Variants in SLC5A12 observed in about 807,000 individuals in gnomAD.
SLC5A12 encodes the protein sodium-coupled monocarboxylate transporter 2.
A neutral mutation model predicts 72.7 loss-of-function variants in SLC5A12; 46 were observed. The observed-to-expected ratio is 0.63, with a 90% confidence interval of 0.50 to 0.81. SLC5A12 has a LOEUF of 0.81. Among genes scored for constraint, SLC5A12 ranks in the 30% least tolerant of loss-of-function variants. SLC5A12 has a pLI of 0.00. For missense variants in SLC5A12, 683 were observed against 740.7 expected (o/e 0.92, Z 0.90); for synonymous variants, 275 against 264.4 (o/e 1.04, Z -0.39).
chr11:26,695,920 G>T (rs893019433), intron 8 of SLC5A12, among the ~76,000 whole-genome samples: 1 of 152,042 alleles, frequency 6.6e-6, no homozygotes, highest in African/African-American at 2.4e-5. Context: ...GTTTGTCTCC[G>T]CAGGGCTTTA....
intron 1 of SLC5A12, among the ~76,000 whole-genome samples, chr11:26,718,597 TGC>T (rs1432947618): frequency 2.0e-5 from 3 of 151,624 alleles, no homozygotes; most frequent in Non-Finnish European, 4.4e-5. Context: ...GGATTACATG[TGC>T]GCCACCATGC....
chr11:26,672,435 C>CACTG (rs1565181722), intron 14 of SLC5A12, among the ~76,000 whole-genome samples: 1 of 152,106 alleles, frequency 6.6e-6, no homozygotes, highest in Non-Finnish European at 1.5e-5. Flanking sequence ...GGAAGACAGA[C>CACTG]ACTGATAAGG....
rs778074459 is a variant in SLC5A12 at position 26,669,228 on chromosome 11, C to CT, written c.*1873_*1874insA. On this transcript the variant is annotated 3_prime_UTR_variant, in exon 15 of 15. Coordinates refer to ENST00000396005, the MANE Select transcript of SLC5A12 (RefSeq NM_178498.4). ...CTTTCTTTCTTTCTTTCTCTCTCTC[C>CT]CTCCCTCTTTCTTTCTCTCTTCTTT... The CT allele has an allele frequency of 2.0e-4, 8 of 40,402 alleles. No individual in the cohort carries two copies. Among genetic ancestry groups the CT allele is most frequent in the African/African-American group, 4.6e-4 (8 of 17,308 alleles). The allele number at this position is 40,402 out of a possible 1,614,324, so 2.5% of individuals were successfully genotyped here.
At position 26,721,475 on chromosome 11, in the gene SLC5A12, G is replaced by C; in HGVS notation, c.240C>G (p.Ser80=). The change falls in exon 1 of 15, where the codon TCC becomes TCG. Residue 80 remains serine (S), a synonymous_variant. Transcript: ENST00000396005. ...GGTAAGCAATGAAGAAGACTAGGAAGGATGCCCCAAAGCGGTAGACTTCAG... is the reference window on the plus strand; with the variant it reads ...GGTAAGCAATGAAGAAGACTAGGAACGATGCCCCAAAGCGGTAGACTTCAG... ...TPSEVYRFGA[S]FLVFFIAYLF... 1 of 1,614,116 alleles carries C rather than the reference G, an allele frequency of 6.2e-7. No homozygotes were observed.
chr11:26,682,759 A>C (rs1854439061), intron 11 of SLC5A12, among the ~76,000 whole-genome samples: 1 of 152,202 alleles, frequency 6.6e-6, no homozygotes, highest in Non-Finnish European at 1.5e-5. Flanking sequence ...TTATGTAGTT[A>C]GCTCATATTT....
intron 13 of SLC5A12, 142 bp downstream of exon 13, chr11:26,678,570 C>A (rs889070497): frequency 6.5e-6 from 4 of 619,968 alleles, no homozygotes; most frequent in Non-Finnish European, 1.2e-5. Context: ...TGTATGTCAG[C>A]GTTGAGAGAG....
intron 9 of SLC5A12, among the ~76,000 whole-genome samples, chr11:26,688,790 G>A (rs1854597027): frequency 6.6e-6 from 1 of 151,990 alleles, no homozygotes; most frequent in Admixed American, 6.6e-5. Context: ...GGTATGATAA[G>A]GAAAAACTGC....
At chr11:26,683,688 G>T in intron 11 of SLC5A12, 69 bp downstream of exon 11, 1 of 1,265,444 alleles carries the variant, frequency 7.9e-7, no homozygotes, top group Non-Finnish European at 1.1e-6. Flanking sequence ...AAACAGGGCT[G>T]AGAGGAGAGA....
In SLC5A12 at chr11:26,668,627, T is replaced by A. The variant is rs1180948175; in HGVS notation, c.*2475A>T. On this transcript the variant is annotated 3_prime_UTR_variant, in exon 15 of 15. Coordinates refer to ENST00000396005, the MANE Select transcript of SLC5A12 (RefSeq NM_178498.4). ...CAACAAACACGGTTTTCATACACTA[T>A]GGAAGACAGTTTCCTGTAGATTCCC... 2 of 152,012 alleles carry A rather than the reference T, an allele frequency of 1.3e-5. No homozygotes were observed. Among genetic ancestry groups the A allele is most frequent in the Non-Finnish European group, 2.9e-5 (2 of 67,972 alleles). 9.4% of individuals were successfully genotyped at this position (152,012 alleles called of 1,614,324 possible). A position where few individuals can be genotyped will look rare whatever the true frequency, so the allele number is the denominator to read the frequency against.
chr11:26,706,228 C>T (rs868630088), intron 4 of SLC5A12, among the ~76,000 whole-genome samples: 10 of 151,192 alleles, frequency 6.6e-5, no homozygotes, highest in African/African-American at 2.2e-4. Context: ...AGGTGTGGTA[C>T]AGAGATTATA....
rs1002221395 is a variant in SLC5A12, at chr11:26,670,914, T to G, written c.*188A>C. 2.1e-6 allele frequency: 1 copy of G among 469,900 alleles called. No individual in the cohort carries two copies. The highest frequency in any genetic ancestry group is 3.5e-6 in the Non-Finnish European group (1 of 285,924). The allele number at this position is 469,900 out of a possible 1,614,324, so 29.1% of individuals were successfully genotyped here. ...TTTTCTCTGTGAAAGTTGGAGTCTT[T>G]CAAAGAATATCCCGAGAGACAGTCA... On this transcript the variant is annotated 3_prime_UTR_variant, in exon 15 of 15. Coordinates refer to ENST00000396005, the MANE Select transcript of SLC5A12 (RefSeq NM_178498.4).
At chr11:26,686,386 C>A in intron 10 of SLC5A12, 91 bp downstream of exon 10, 1 of 1,138,580 alleles carries the variant, frequency 8.8e-7, no homozygotes, top group Non-Finnish European at 1.3e-6. Context: ...TAAATGTCAG[C>A]CTTTGGATCT....
At chr11:26,672,846 C>T (rs949758691) in intron 14 of SLC5A12, among the ~76,000 whole-genome samples, 4 of 152,094 alleles carry the variant, frequency 2.6e-5, no homozygotes, top group Admixed American at 6.6e-5. Flanking sequence ...CATCTTGCTG[C>T]GTCTTTGCCT....
At chr11:26,698,161 G>T (rs1854870801) in intron 7 of SLC5A12, among the ~76,000 whole-genome samples, 1 of 152,036 alleles carries the variant, frequency 6.6e-6, no homozygotes, top group South Asian at 2.1e-4. Flanking sequence ...GCCTCCCAAA[G>T]TGCTGGGATT....
At chr11:26,698,359 G>A (rs1854876428) in intron 7 of SLC5A12, 47 bp downstream of exon 7, 1 of 1,600,236 alleles carries the variant, frequency 6.2e-7, no homozygotes, top group South Asian at 1.1e-5. Flanking sequence ...ATAGCTAGAA[G>A]CACGCTCATT....
intron 13 of SLC5A12, among the ~76,000 whole-genome samples, 177 bp downstream of exon 13, chr11:26,678,535 G>A (rs113311482): frequency 6.6e-6 from 1 of 151,836 alleles, no homozygotes; most frequent in Non-Finnish European, 1.5e-5. Context: ...TTAATAGTCA[G>A]GTATATAATA....
At position 26,709,484 on chromosome 11, in the gene SLC5A12, G is replaced by T. The variant is rs373379095; in HGVS notation, c.458-105C>A. On this transcript the variant is annotated intron_variant, in intron 3 of 14. Coordinates refer to ENST00000396005, the MANE Select transcript of SLC5A12 (RefSeq NM_178498.4). Reference sequence around the variant, plus strand: ...ATATTTTTATCAGTGTTCTTTGTAGGCAAAAATAAAATCAAATTAGAGTTT... The same window carrying T: ...ATATTTTTATCAGTGTTCTTTGTAGTCAAAAATAAAATCAAATTAGAGTTT... 18 of 792,862 alleles carry T rather than the reference G, an allele frequency of 2.3e-5. No homozygotes were observed. The African/African-American group carries it at 3.0e-4, about 13-fold the overall frequency. The allele number at this position is 792,862 out of a possible 1,614,324, so 49.1% of individuals were successfully genotyped here. A position where few individuals can be genotyped will look rare whatever the true frequency, so the allele number is the denominator to read the frequency against.
chr11:26,721,272 A>T, intron 1 of SLC5A12, 104 bp downstream of exon 1: 1 of 847,274 alleles, frequency 1.2e-6, no homozygotes, highest in Non-Finnish European at 1.8e-6. Flanking sequence ...CTTTCTCATA[A>T]TGTGTAATTA....
At chr11:26,700,129 A>G (rs777735587) in intron 6 of SLC5A12, among the ~76,000 whole-genome samples, 12 of 152,162 alleles carry the variant, frequency 7.9e-5, no homozygotes, top group Non-Finnish European at 1.6e-4. Flanking sequence ...TTATTATAGG[A>G]TTATGAGGAT....
Sources: allele counts gnomAD v4.1 joint callset (sites outside exome capture counted in the v4.1 genomes callset), GRCh38; gene constraint gnomAD v4.1.1; transcripts MANE v1.5; gene names NCBI Gene and HGNC (gene_info 2026-07-23, HGNC 2026-07-21).